Variants in MUC20 observed in about 807,000 individuals in gnomAD.
MUC20 encodes mucin-20.
In MUC20, 14 loss-of-function variants were observed where a neutral mutation model predicts 23.8. The ratio of observed to expected loss-of-function variants is 0.59; its 90% CI spans 0.39 to 0.92. The LOEUF (loss-of-function observed/expected upper bound fraction) is 0.92, where lower values mean the gene tolerates loss of function less well. Among genes scored for constraint, MUC20 ranks in the 40% least tolerant of loss-of-function variants. The probability of loss-of-function intolerance (pLI) is 0.00; values close to 1 mark genes in which losing one functional copy is unlikely to be tolerated. For synonymous variants in MUC20, 166 were observed against 279.3 expected (o/e 0.59, Z 4.04); for missense variants, 375 against 668.8 (o/e 0.56, Z 4.85).
intron 3 of MUC20, among the ~76,000 whole-genome samples, chr3:195,732,777 C>CA (rs1354735621): frequency 6.6e-6 from 1 of 152,254 alleles, no homozygotes; most frequent in East Asian, 1.9e-4. Context: ...CACCAGGCCA[C>CA]ATGGGGTTGG....
chr3:195,732,398 C>T (rs537056741), intron 3 of MUC20, among the ~76,000 whole-genome samples: 6 of 151,944 alleles, frequency 3.9e-5, no homozygotes, highest in Admixed American at 1.3e-4. Context: ...CTCGCTCTGT[C>T]GTCCAGGCTG....
intron 2 of MUC20, among the ~76,000 whole-genome samples, chr3:195,728,293 C>A (rs189251262): frequency 2.0e-5 from 3 of 152,266 alleles, no homozygotes; most frequent in Non-Finnish European, 4.4e-5. Context: ...TTATTATTTT[C>A]ATTATTTTAG....
At chr3:195,732,305 C>T (rs1048939611) in intron 3 of MUC20, among the ~76,000 whole-genome samples, 8 of 152,156 alleles carry the variant, frequency 5.3e-5, no homozygotes, top group African/African-American at 9.6e-5. Context: ...TCATTGCGTC[C>T]GGCTGGGAAG....
intron 2 of MUC20, among the ~76,000 whole-genome samples, chr3:195,729,160 C>G (rs371460144): frequency 6.6e-6 from 1 of 152,346 alleles, no homozygotes; most frequent in East Asian, 1.9e-4. Flanking sequence ...TGGAAAGGTA[C>G]GAAAAGGTTC....
chr3:195,728,915 C>A (rs1242140004), intron 2 of MUC20, among the ~76,000 whole-genome samples: 3 of 152,238 alleles, frequency 2.0e-5, no homozygotes, highest in Non-Finnish European at 4.4e-5. Flanking sequence ...GCCCTAGATC[C>A]CTTAAACCTT....
Position 195,729,478 on chromosome 3 carries a change from G to A in MUC20, c.1970-170G>A, listed in dbSNP as rs538240696. ...ATTACAGGCACGCACCACCATGCCC[G>A]GCTCATTTTGTGTTTTTAGTAAAGA... On this transcript the variant is annotated intron_variant, in intron 2 of 3. Coordinates refer to ENST00000447234, the MANE Select transcript of MUC20 (RefSeq NM_001282506.2). 198 of 657,712 alleles carry A rather than the reference G, an allele frequency of 3.0e-4. No individual in the cohort carries two copies. In the African/African-American group the frequency reaches 3.1e-3, roughly 10 times the overall value. The allele number at this position is 657,712 out of a possible 1,614,324, so 40.7% of individuals were successfully genotyped here.
chr3:195,732,684 TC>T (rs1205319094), intron 3 of MUC20, among the ~76,000 whole-genome samples: 2 of 152,216 alleles, frequency 1.3e-5, no homozygotes, highest in African/African-American at 4.8e-5. Flanking sequence ...GAATCTCAGG[TC>T]TAAGCCCCCA....
chr3:195,730,001 G>A, intron 3 of MUC20: 1 of 502,350 alleles, frequency 2.0e-6, no homozygotes, highest in Non-Finnish European at 3.5e-6. Context: ...TGGAAGCTTG[G>A]CCTTCTGGCC....
At chr3:195,728,007 T>C (rs2148703368) in intron 2 of MUC20, among the ~76,000 whole-genome samples, 2 of 152,420 alleles carry the variant, frequency 1.3e-5, no homozygotes, top group Middle Eastern at 6.8e-3. Context: ...ATATGTTATC[T>C]CCTCTATTTA....
In MUC20 at chr3:195,725,633, G is replaced by GATCTGA. The variant is rs1712527924; in HGVS notation, c.1030_1031insATCTGA (p.Ala344delinsAspLeuThr). The GATCTGA allele has an allele frequency of 1.5e-5, 2 of 132,156 alleles. 1 individual carries two copies. Among genetic ancestry groups the GATCTGA allele is most frequent in the Non-Finnish European group, 2.7e-5 (2 of 72,746 alleles). 8.2% of individuals were successfully genotyped at this position (132,156 alleles called of 1,614,324 possible). A position where few individuals can be genotyped will look rare whatever the true frequency, so the allele number is the denominator to read the frequency against. ...CCATCCAGTCATCACCCCGTCACGGGCCTCAGAGAGCAGCGCCTCTTCCGA... is the reference window on the plus strand; with the variant it reads ...CCATCCAGTCATCACCCCGTCACGGGATCTGACCTCAGAGAGCAGCGCCTCTTCCGA... On this transcript the variant is annotated protein_altering_variant, in exon 2 of 4. Transcript: ENST00000447234.
chr3:195,721,054 G>A lies in MUC20; in HGVS notation c.47G>A (p.Trp16Ter). The A allele has an allele frequency of 1.3e-6, 2 of 1,589,274 alleles. No individual in the cohort carries two copies. Among genetic ancestry groups the A allele is most frequent in the Non-Finnish European group, 8.6e-7 (1 of 1,167,088 alleles). ...GLALPLFFFC[W>*]EVGVSGSSAG... The stretch of plus-strand genomic sequence containing the variant: ...GCTCTGCCCCTTTTCTTCTTCTGCT[G>A]GGAGGTTGGGGTCTCTGGGAGCTCT... The change falls in exon 1 of 4, where the codon TGG becomes TAG. Residue 16 changes from tryptophan (W) to a stop codon, truncating the protein, a stop_gained. Transcript: ENST00000447234. LOFTEE classifies it high-confidence loss of function.
At chr3:195,727,980 T>C (rs1712888451) in intron 2 of MUC20, among the ~76,000 whole-genome samples, 1 of 148,566 alleles carries the variant, frequency 6.7e-6, no homozygotes, top group Non-Finnish European at 1.5e-5. Flanking sequence ...TGCCAGGCAG[T>C]GTGCCACCAG....
intron 2 of MUC20, among the ~76,000 whole-genome samples, chr3:195,728,748 G>GACTATCA: frequency 1.3e-5 from 2 of 152,114 alleles, no homozygotes; most frequent in Admixed American, 1.3e-4. Context: ...CTATACATGG[G>GACTATCA]GAGAAAGCTT....
At position 195,729,750 on chromosome 3, in the gene MUC20, A is replaced by G. The variant is rs748093190; in HGVS notation, c.2061+11A>G. The stretch of plus-strand genomic sequence containing the variant: ...AGGCTGATGCAGCAGGTGAGTGGGC[A>G]CTTTCCGGGCCAGGGGAGTAGAGGA... On this transcript the variant is annotated intron_variant, in intron 3 of 3. Coordinates refer to ENST00000447234, the MANE Select transcript of MUC20 (RefSeq NM_001282506.2). The G allele has an allele frequency of 1.3e-6, 2 of 1,585,624 alleles. No individual in the cohort carries two copies. Among genetic ancestry groups the G allele is most frequent in the African/African-American group, 2.7e-5 (2 of 74,236 alleles).
intron 2 of MUC20, among the ~76,000 whole-genome samples, chr3:195,726,968 T>C (rs1250953785): frequency 6.6e-6 from 1 of 152,274 alleles, no homozygotes; most frequent in Non-Finnish European, 1.5e-5. Flanking sequence ...GAAGCTTCTA[T>C]TCCAGCCATA....
chr3:195,733,460 C>G lies in MUC20; in HGVS notation c.*242C>G. ...GTTCCCAGAGGTGTCCTTGGACTCA[C>G]CTTGGCACATGTTCTGTGTTTCAGT... On this transcript the variant is annotated 3_prime_UTR_variant, in exon 4 of 4. Coordinates refer to ENST00000447234, the MANE Select transcript of MUC20 (RefSeq NM_001282506.2). 7.1e-7 allele frequency: 1 copy of G among 1,414,098 alleles called. No individual in the cohort carries two copies. Among genetic ancestry groups the G allele is most frequent in the South Asian group, 1.6e-5 (1 of 62,580 alleles). The allele number at this position is 1,414,098 out of a possible 1,614,324, so 87.6% of individuals were successfully genotyped here.
chr3:195,731,155 C>T lies in MUC20; in HGVS notation c.2061+1416C>T, dbSNP rs568750239. 1.4e-4 allele frequency among the ~76,000 whole-genome samples: 21 copies of T among 152,344 alleles called. No individual in the cohort carries two copies. In the East Asian group the frequency reaches 3.9e-3, roughly 28 times the overall value. On this transcript the variant is annotated intron_variant, in intron 3 of 3. Coordinates refer to ENST00000447234, the MANE Select transcript of MUC20 (RefSeq NM_001282506.2). ...GCTAATACCTGAAGCTTGCATTCAGCACCTCTCACAGTCAATGGGACAGTG... is the reference window on the plus strand; with the variant it reads ...GCTAATACCTGAAGCTTGCATTCAGTACCTCTCACAGTCAATGGGACAGTG...
In MUC20 at chr3:195,725,809, G is replaced by A. The variant is rs9866195; in HGVS notation, c.1206G>A (p.Pro402=). Residue 402 remains proline (P), a synonymous_variant, in exon 2 of 4, where the codon CCG becomes CCA. Transcript: ENST00000447234. Reference sequence around the variant, plus strand: ...CAGTCATCACCCCCTCATGGTCCCCGGGATCTGACGTCACTCTCCTCGCTG... The same window carrying A: ...CAGTCATCACCCCCTCATGGTCCCCAGGATCTGACGTCACTCTCCTCGCTG... ...PHPVITPSWS[P]GSDVTLLAEA... is the part of the protein sequence containing the mutation. 9.2e-4 allele frequency: 1,442 copies of A among 1,567,370 alleles called. No individual in the cohort carries two copies. The African/African-American group carries it at 0.01, about 11-fold the overall frequency.
At chr3:195,727,229 A>G (rs1006294206) in intron 2 of MUC20, among the ~76,000 whole-genome samples, 5 of 152,272 alleles carry the variant, frequency 3.3e-5, no homozygotes, top group Non-Finnish European at 7.3e-5. Flanking sequence ...GTGAAACCCC[A>G]TCTCTACTAA....
Sources: allele counts gnomAD v4.1 joint callset (sites outside exome capture counted in the v4.1 genomes callset), GRCh38; gene constraint gnomAD v4.1.1; transcripts MANE v1.5; gene names NCBI Gene and HGNC (gene_info 2026-07-23, HGNC 2026-07-21).